Variants in MGA observed in about 807,000 individuals in gnomAD.
MGA encodes MAX dimerization protein MGA.
Under a neutral mutation model 261.1 loss-of-function variants are expected in MGA, and 40 were observed. That is an observed-to-expected ratio of 0.15 (90% CI 0.12 to 0.20). MGA has a LOEUF of 0.20. MGA is among the 10% of genes least tolerant of loss of function. The pLI is 1.00. For synonymous variants in MGA, 1,302 were observed against 1,290.6 expected (o/e 1.01, Z -0.19); for missense variants, 3,397 against 3,630.5 (o/e 0.94, Z 1.65).
chr15:41,656,344 T>TTCTCTCTCTCTCTCTCTCTCTCC (rs2057178342), upstream of MGA, among the ~76,000 whole-genome samples: 1 of 59,988 alleles, frequency 1.7e-5, no homozygotes, highest in African/African-American at 4.8e-5. Flanking sequence ...CTCTCCTCTC[T>TTCTCTCTCTCTCTCTCTCTCTCC]TCTCTCTCTC....
rs188322847 is a variant in MGA at position 41,623,600 on chromosome 15, C to T, written c.-68+2302C>T. ...TCTCGACTAAAAATACAAAATTAGC[C>T]GGGTGTGGCGATGCATGCCTGTAAT... On this transcript the variant is annotated intron_variant, in intron 1 of 8. Coordinates refer to the MGA transcript ENST00000566718. Among the ~76,000 whole-genome samples the T allele has an allele frequency of 5.1e-3, 781 of 151,692 alleles. 7 individuals carry two copies. The highest frequency in any genetic ancestry group is 0.017 in the African/African-American group (713 of 41,378).
intron 9 of MGA, among the ~76,000 whole-genome samples, chr15:41,715,511 TAAAA>T (rs926698454): frequency 2.0e-5 from 3 of 151,906 alleles, no homozygotes; most frequent in Non-Finnish European, 4.4e-5. Flanking sequence ...TTTTTGGACT[TAAAA>T]AAAATAAGTT....
chr15:41,633,097 G>A (rs541547922), intron 1 of MGA, among the ~76,000 whole-genome samples: 3 of 151,666 alleles, frequency 2.0e-5, no homozygotes, highest in South Asian at 2.1e-4. Context: ...GACTACAGGC[G>A]CGTGCCACCA....
intron 9 of MGA, among the ~76,000 whole-genome samples, chr15:41,720,558 G>A (rs2060884282): frequency 6.6e-6 from 1 of 151,980 alleles, no homozygotes; most frequent in African/African-American, 2.4e-5. Flanking sequence ...AAGGCCAGAC[G>A]CGATGGCTTA....
chr15:41,672,677 G>A (rs979540006), intron 2 of MGA, among the ~76,000 whole-genome samples: 2 of 152,130 alleles, frequency 1.3e-5, no homozygotes, highest in Non-Finnish European at 2.9e-5. Flanking sequence ...CTTGATACGG[G>A]AGCAGAAATT....
intron 14 of MGA, among the ~76,000 whole-genome samples, chr15:41,741,346 CAAAA>C (rs11389766): frequency 4.1e-5 from 3 of 72,330 alleles, no homozygotes; most frequent in Admixed American, 4.0e-4. Flanking sequence ...ACTCCATCTC[CAAAA>C]AAAAAAAAAA....
At chr15:41,744,436 T>G (rs1462567320) in intron 15 of MGA, among the ~76,000 whole-genome samples, 1 of 152,128 alleles carries the variant, frequency 6.6e-6, no homozygotes, top group Non-Finnish European at 1.5e-5. Context: ...GTCTCCGTGA[T>G]CTTCCCACCT....
intron 2 of MGA, chr15:41,684,575 A>T (rs2058848327): frequency 3.3e-6 from 1 of 307,264 alleles, no homozygotes; most frequent in East Asian, 8.1e-5. Context: ...TCTCAGGAAG[A>T]TGTGAAAGCA....
In MGA at chr15:41,711,202, G is replaced by A. The variant is rs751762508; in HGVS notation, c.2937G>A (p.Gln979=). ...GGCAGGCACAGCAGCAGCAGCAACA[G>A]CAACAGGGAAGTCGCCCTCCAGGCT... The change falls in exon 8 of 24, where the codon CAG becomes CAA. Residue 979 remains glutamine (Q), a synonymous_variant. Transcript: ENST00000219905. 1 of 1,613,906 alleles carries A rather than the reference G, an allele frequency of 6.2e-7. No homozygotes were observed. Among genetic ancestry groups the A allele is most frequent in the African/African-American group, 1.3e-5 (1 of 74,922 alleles).
At chr15:41,626,343 A>G (rs2056451390) in intron 1 of MGA, among the ~76,000 whole-genome samples, 1 of 147,730 alleles carries the variant, frequency 6.8e-6, no homozygotes, top group Non-Finnish European at 1.5e-5. Flanking sequence ...GTCTCAAACT[A>G]CTGGGCTCAA....
intron 13 of MGA, among the ~76,000 whole-genome samples, chr15:41,738,381 T>A (rs1451335747): frequency 6.6e-6 from 1 of 152,108 alleles, no homozygotes; most frequent in Non-Finnish European, 1.5e-5. Flanking sequence ...GGCGACAGAG[T>A]GAGACTCCAT....
At position 41,711,094 on chromosome 15, in the gene MGA, A is replaced by T. The variant is rs373891191; in HGVS notation, c.2829A>T (p.Ser943=). The T allele has an allele frequency of 1.2e-5, 20 of 1,613,954 alleles. No homozygotes were observed. The highest frequency in any genetic ancestry group is 1.6e-5 in the Non-Finnish European group (19 of 1,179,904). The change falls in exon 8 of 24, where the codon TCA becomes TCT. Residue 943 remains serine, a synonymous_variant. Transcript: ENST00000219905. The stretch of plus-strand genomic sequence containing the variant: ...GAGATAAGGTTACCAAGAATTCTTC[A>T]GGCATCATCTCAGAAAATCAGGCGA...
intron 12 of MGA, 54 bp from the exon 13 acceptor site, chr15:41,736,127 G>A (rs2061764736): frequency 5.1e-6 from 7 of 1,366,162 alleles, no homozygotes; most frequent in Non-Finnish European, 4.8e-6. Flanking sequence ...ACAAAATGCT[G>A]TGATGCAGAA....
At chr15:41,673,192 C>T (rs1436759268) in intron 2 of MGA, among the ~76,000 whole-genome samples, 1 of 151,864 alleles carries the variant, frequency 6.6e-6, no homozygotes, top group Non-Finnish European at 1.5e-5. Flanking sequence ...GTATTATGCT[C>T]TCGTAGTCCT....
At chr15:41,641,726 G>A (rs1487453430) in intron 1 of MGA, among the ~76,000 whole-genome samples, 1 of 151,834 alleles carries the variant, frequency 6.6e-6, no homozygotes, top group Non-Finnish European at 1.5e-5. Flanking sequence ...TTGACCTCGT[G>A]ATCTGCCTGC....
At chr15:41,763,582 A>G (rs1478351604) in intron 22 of MGA, among the ~76,000 whole-genome samples, 1 of 151,884 alleles carries the variant, frequency 6.6e-6, no homozygotes, top group East Asian at 2.0e-4. Flanking sequence ...TGTCTCTACT[A>G]AAAATACAAA....
chr15:41,656,373 T>TCTCTCACA (rs2057190555), upstream of MGA, among the ~76,000 whole-genome samples: 1 of 136,566 alleles, frequency 7.3e-6, no homozygotes, highest in Non-Finnish European at 1.6e-5. Flanking sequence ...TCTCTCTCTC[T>TCTCTCACA]CTCTCACACC....
chr15:41,634,085 T>C (rs1025989528), intron 1 of MGA, among the ~76,000 whole-genome samples: 1 of 152,208 alleles, frequency 6.6e-6, no homozygotes, highest in Non-Finnish European at 1.5e-5. Context: ...GGTTCCTATT[T>C]TGATTTCTTC....
At chr15:41,634,271 A>G (rs1446253032) in intron 1 of MGA, among the ~76,000 whole-genome samples, 1 of 152,230 alleles carries the variant, frequency 6.6e-6, no homozygotes, top group African/African-American at 2.4e-5. Context: ...CCTAGCAAGC[A>G]CAAAGTAAGT....
Sources: gnomAD v4.1 joint callset for allele counts (sites outside exome capture counted in the v4.1 genomes callset) on GRCh38, gnomAD v4.1.1 for gene constraint, MANE v1.5 for transcripts, NCBI Gene and HGNC (gene_info 2026-07-23, HGNC 2026-07-21) for gene names.